The following GPC4 variants were observed in gnomAD, a reference collection of about 807,000 sequenced individuals.
GPC4 encodes the protein glypican 4, also known as glypican-4.
A neutral mutation model predicts 35.0 loss-of-function variants in GPC4; 10 were observed. That is an observed-to-expected ratio of 0.29 (90% CI 0.18 to 0.48). The LOEUF (loss-of-function observed/expected upper bound fraction) is 0.48, where lower values mean the gene tolerates loss of function less well. Ranked by LOEUF, GPC4 falls within the 20% of genes least tolerant of loss-of-function variation. The pLI is 0.99. For synonymous variants in GPC4, 167 were observed against 170.2 expected (o/e 0.98, Z 0.15); for missense variants, 322 against 451.3 (o/e 0.71, Z 2.60).
intron 1 of GPC4, among the ~76,000 whole-genome samples, chrX:133,388,358 G>A (rs1688527202): frequency 8.9e-6 from 1 of 112,030 alleles, no homozygotes; most frequent in South Asian, 3.7e-4. Context: ...TTCTGGACAT[G>A]TATGACTTTT....
rs778950532 is a variant in GPC4 at position 133,321,980 on chromosome X, T to C, written c.711+2165A>G. 8.6e-4 allele frequency among the ~76,000 whole-genome samples: 96 copies of C among 112,049 alleles called. 1 individual carries two copies. The highest frequency in any genetic ancestry group is 3.0e-3 in the African/African-American group (92 of 30,853). ...ATAATGAATGCAATCAATCAATTAA[T>C]CCTTATTATCACCCAATTCTAATAT... On this transcript the variant is annotated intron_variant, in intron 3 of 8. Transcript: ENST00000370828.
At chrX:133,397,921 C>T (rs750547113) in intron 1 of GPC4, among the ~76,000 whole-genome samples, 2 of 110,386 alleles carry the variant, frequency 1.8e-5, no homozygotes, top group East Asian at 2.9e-4. Context: ...ATTAGCTGGG[C>T]GTGGTGGTGG....
chrX:133,414,694 C>T (rs2068830035), intron 1 of GPC4, 112 bp downstream of exon 1: 1 of 1,161,431 alleles, frequency 8.6e-7, no homozygotes, highest in African/African-American at 1.8e-5. Flanking sequence ...CCATTTCTCC[C>T]TCTAGTGTAC....
intron 1 of GPC4, among the ~76,000 whole-genome samples, chrX:133,376,107 G>C (rs955638722): frequency 1.8e-5 from 2 of 112,145 alleles, no homozygotes; most frequent in East Asian, 2.8e-4. Context: ...ACTTTTTTCT[G>C]AACAAAGAAA....
intron 1 of GPC4, among the ~76,000 whole-genome samples, chrX:133,403,576 G>A (rs2068774913): frequency 9.0e-6 from 1 of 111,363 alleles, no homozygotes; most frequent in African/African-American, 3.3e-5. Context: ...ATCTCGTCCT[G>A]GAATGAGTAC....
chrX:133,364,074 C>T (rs1603082838), intron 1 of GPC4, among the ~76,000 whole-genome samples: 2 of 111,974 alleles, frequency 1.8e-5, no homozygotes, highest in Admixed American at 9.5e-5. Context: ...TTTTGTTTAT[C>T]TATTCAACAG....
intron 1 of GPC4, among the ~76,000 whole-genome samples, chrX:133,344,910 C>T (rs2068485724): frequency 8.9e-6 from 1 of 112,276 alleles, no homozygotes; most frequent in African/African-American, 3.2e-5. Context: ...CAAACTGTTC[C>T]TTAAGGGTAA....
intron 1 of GPC4, among the ~76,000 whole-genome samples, chrX:133,387,874 G>A (rs1353258317): frequency 8.9e-6 from 1 of 111,784 alleles, no homozygotes; most frequent in African/African-American, 3.2e-5. Flanking sequence ...AGCTTCTTCA[G>A]TTTCTAACAT....
intron 1 of GPC4, chrX:133,414,446 T>C: frequency 5.4e-6 from 4 of 743,493 alleles, no homozygotes; most frequent in Non-Finnish European, 6.3e-6. Context: ...AAAGGAGAAG[T>C]AGCCGGTGAC....
intron 3 of GPC4, among the ~76,000 whole-genome samples, chrX:133,322,600 T>C (rs1244066945): frequency 9.0e-6 from 1 of 111,066 alleles, no homozygotes; most frequent in African/African-American, 3.3e-5. Context: ...AATAATTTGT[T>C]AATAAGCACC....
intron 1 of GPC4, among the ~76,000 whole-genome samples, chrX:133,391,333 G>A (rs1218619504): frequency 8.9e-6 from 1 of 111,797 alleles, no homozygotes; most frequent in East Asian, 2.8e-4. Flanking sequence ...GTACAAAAAG[G>A]CAATGTGGGC....
intron 3 of GPC4, among the ~76,000 whole-genome samples, chrX:133,312,774 G>A (rs1481322358): frequency 1.8e-5 from 2 of 111,226 alleles, no homozygotes; most frequent in Non-Finnish European, 3.8e-5. Flanking sequence ...TTGTGAGGAA[G>A]GAAAGGAAGA....
intron 3 of GPC4, among the ~76,000 whole-genome samples, chrX:133,322,061 C>A (rs1019640653): frequency 2.7e-5 from 3 of 111,674 alleles, no homozygotes; most frequent in African/African-American, 9.8e-5. Context: ...GAATCTTTAT[C>A]CTCACTCTGG....
chrX:133,321,935 T>A (rs139247917), intron 3 of GPC4, among the ~76,000 whole-genome samples: 7,739 of 111,677 alleles, frequency 0.069, 287 homozygotes, highest in Middle Eastern at 0.11. Flanking sequence ...GGCCTGGAGA[T>A]GAGAGAGAGA....
At chrX:133,377,892 T>C (rs2068642272) in intron 1 of GPC4, among the ~76,000 whole-genome samples, 1 of 100,666 alleles carries the variant, frequency 9.9e-6, no homozygotes, top group African/African-American at 3.6e-5. Context: ...TTTTTTTCTT[T>C]TTTTTTTTTT....
At chrX:133,355,781 G>A (rs1054089167) in intron 1 of GPC4, among the ~76,000 whole-genome samples, 2 of 110,970 alleles carry the variant, frequency 1.8e-5, no homozygotes, top group East Asian at 2.9e-4. Context: ...ACCATCCCCC[G>A]GGAGAAAAGT....
chrX:133,331,469 C>T lies in GPC4; in HGVS notation c.320-6933G>A, dbSNP rs750571062. Among the ~76,000 whole-genome samples the T allele has an allele frequency of 5.4e-5, 6 of 111,696 alleles. No individual in the cohort carries two copies. The Admixed American group carries it at 5.7e-4, about 11-fold the overall frequency. On this transcript the variant is annotated intron_variant, in intron 2 of 8. Transcript: ENST00000370828. ...ATAATAGAGTCTATCTGTTAATAAT[C>T]TAATGTCAAGAGAAAAATCAGGCCA...
intron 2 of GPC4, among the ~76,000 whole-genome samples, chrX:133,325,778 C>T (rs938506029): frequency 1.8e-5 from 2 of 112,191 alleles, no homozygotes; most frequent in African/African-American, 6.5e-5. Context: ...CCATTCTCTT[C>T]TCACATTGGG....
intron 1 of GPC4, among the ~76,000 whole-genome samples, chrX:133,374,184 G>A (rs1603086423): frequency 9.0e-6 from 1 of 111,529 alleles, no homozygotes; most frequent in African/African-American, 3.3e-5. Context: ...GTTTGGCAAC[G>A]TGGGGGAGAG....
Sources: allele counts gnomAD v4.1 joint callset (sites outside exome capture counted in the v4.1 genomes callset), GRCh38; gene constraint gnomAD v4.1.1; transcripts MANE v1.5; gene names NCBI Gene and HGNC (gene_info 2026-07-23, HGNC 2026-07-21).